PPM1H: variants seen among roughly 807,000 people sequenced by gnomAD.
PPM1H encodes the protein protein phosphatase, Mg2+/Mn2+ dependent 1H.
In PPM1H, 27 loss-of-function variants were observed where a neutral mutation model predicts 54.9. The observed-to-expected ratio is 0.49, with a 90% CI of 0.36 to 0.68. The LOEUF is 0.68. Ranked by LOEUF, PPM1H falls within the 30% of genes least tolerant of loss-of-function variation. The pLI is 0.00. For synonymous variants in PPM1H, 305 were observed against 270.8 expected, an observed-to-expected ratio of 1.13 and a Z score of -1.24; for missense variants, 596 against 667.8, an observed-to-expected ratio of 0.89 and a Z score of 1.19.
intron 4 of PPM1H, among the ~76,000 whole-genome samples, chr12:62,748,522 A>G (rs963675530): frequency 7.6e-6 from 1 of 130,880 alleles, no homozygotes; most frequent in Non-Finnish European, 1.6e-5. Context: ...AATGTGTTTC[A>G]GTGTAGAACA....
At chr12:62,670,532 C>G (rs2075951386) in intron 8 of PPM1H, among the ~76,000 whole-genome samples, 1 of 152,150 alleles carries the variant, frequency 6.6e-6, no homozygotes, top group African/African-American at 2.4e-5. Flanking sequence ...GTGCTTCCTG[C>G]TGACCCAAGA....
intron 1 of PPM1H, among the ~76,000 whole-genome samples, chr12:62,907,109 TA>T (rs1871324122): frequency 6.6e-6 from 1 of 152,210 alleles, no homozygotes; most frequent in Non-Finnish European, 1.5e-5. Flanking sequence ...CTGGCAAATT[TA>T]ATGTTTTTCT....
chr12:62,680,205 C>T (rs2076011342), intron 8 of PPM1H, among the ~76,000 whole-genome samples: 1 of 151,944 alleles, frequency 6.6e-6, no homozygotes, highest in Non-Finnish European at 1.5e-5. Flanking sequence ...TTCATTTCTC[C>T]TTTTCTCTCT....
chr12:62,731,685 C>T (rs1213847938), intron 5 of PPM1H, among the ~76,000 whole-genome samples: 2 of 152,162 alleles, frequency 1.3e-5, no homozygotes, highest in African/African-American at 4.8e-5. Flanking sequence ...CTATACATTG[C>T]CCTTGATGAA....
intron 4 of PPM1H, among the ~76,000 whole-genome samples, chr12:62,770,918 C>T (rs1461118803): frequency 6.6e-6 from 1 of 152,064 alleles, no homozygotes; most frequent in East Asian, 1.9e-4. Context: ...TGGGAAAGCA[C>T]AGTCCAGCAC....
intron 1 of PPM1H, among the ~76,000 whole-genome samples, chr12:62,914,409 C>T (rs1055301772): frequency 6.6e-6 from 1 of 152,152 alleles, no homozygotes; most frequent in East Asian, 1.9e-4. Context: ...TACAGCAACA[C>T]AAACTAAGAC....
intron 6 of PPM1H, among the ~76,000 whole-genome samples, chr12:62,703,417 C>T (rs1379516442): frequency 2.6e-5 from 4 of 150,974 alleles, no homozygotes; most frequent in Non-Finnish European, 5.9e-5. Flanking sequence ...GCTCAGTGCC[C>T]CTCCAGGAGG....
chr12:62,897,584 T>C (rs699573), intron 1 of PPM1H, among the ~76,000 whole-genome samples: 69,268 of 151,862 alleles, frequency 0.46, 17,878 homozygotes, highest in African/African-American at 0.68. Context: ...CACTTCAGCC[T>C]CTGATGAAGC....
chr12:62,874,030 G>A (rs1870078761), intron 1 of PPM1H, among the ~76,000 whole-genome samples: 1 of 152,162 alleles, frequency 6.6e-6, no homozygotes, highest in Non-Finnish European at 1.5e-5. Context: ...TTGGCAGAGG[G>A]ACAGTGTGCT....
At chr12:62,838,646 GCGC>G (rs1338348524) in intron 1 of PPM1H, among the ~76,000 whole-genome samples, 2 of 144,492 alleles carry the variant, frequency 1.4e-5, no homozygotes, top group African/African-American at 5.4e-5. Context: ...CTCTGGCCGG[GCGC>G]GGTGGCTCAC....
chr12:62,681,754 C>T (rs527914014), intron 8 of PPM1H, among the ~76,000 whole-genome samples: 1 of 152,282 alleles, frequency 6.6e-6, no homozygotes, highest in East Asian at 1.9e-4. Flanking sequence ...ATCTAACTAG[C>T]CACAAATTTG....
intron 7 of PPM1H, among the ~76,000 whole-genome samples, chr12:62,693,572 G>T (rs12823159): frequency 0.063 from 9,592 of 152,274 alleles, 370 homozygotes; most frequent in South Asian, 0.15. Context: ...TCTGCCAGAT[G>T]GATATAACAC....
intron 4 of PPM1H, among the ~76,000 whole-genome samples, chr12:62,749,069 C>T (rs2076427367): frequency 6.6e-6 from 1 of 152,198 alleles, no homozygotes; most frequent in East Asian, 1.9e-4. Context: ...AAACCAAACA[C>T]AGAAGCACCA....
chr12:62,920,986 G>A (rs1047895123), intron 1 of PPM1H, among the ~76,000 whole-genome samples: 8 of 152,046 alleles, frequency 5.3e-5, no homozygotes, highest in Non-Finnish European at 1.2e-4. Flanking sequence ...GTGGAGTAGA[G>A]TGATCCTGAT....
At chr12:62,899,416 A>G (rs1871090952) in intron 1 of PPM1H, among the ~76,000 whole-genome samples, 1 of 151,972 alleles carries the variant, frequency 6.6e-6, no homozygotes, top group East Asian at 1.9e-4. Flanking sequence ...TAAAAACACT[A>G]AAAAAAATTA....
intron 1 of PPM1H, among the ~76,000 whole-genome samples, chr12:62,867,577 T>A (rs907701854): frequency 1.0e-4 from 11 of 109,120 alleles, no homozygotes; most frequent in Middle Eastern, 3.4e-3. Flanking sequence ...TTTTTTTTTT[T>A]TTTTTTTTTT....
In PPM1H at chr12:62,667,245, A is replaced by T; in HGVS notation, c.1330T>A (p.Ser444Thr). Reference sequence around the variant, plus strand: ...ATTGCTTCTGCTACTTCTTCATTTGATAAAACGTCCCAGAGTCCATCAGTG... The same window carrying T: ...ATTGCTTCTGCTACTTCTTCATTTGTTAAAACGTCCCAGAGTCCATCAGTG... ...LATDGLWDVL[S>T]NEEVAEAITQ... Residue 444 changes from serine to threonine, a missense_variant, in exon 9 of 10, where the codon TCA becomes ACA. Physicochemically the swap from Ser to Thr is moderately conservative, Grantham distance 58. Transcript: ENST00000228705. The T allele has an allele frequency of 2.5e-6, 4 of 1,600,478 alleles. No individual in the cohort carries two copies. Among genetic ancestry groups the T allele is most frequent in the African/African-American group, 2.7e-5 (2 of 74,718 alleles).
chr12:62,667,247 A>G lies in PPM1H; in HGVS notation c.1328T>C (p.Leu443Ser), dbSNP rs759402611. Residue 443 changes from leucine to serine, a missense_variant, in exon 9 of 10, where the codon TTA becomes TCA. Leu to Ser is a moderately radical substitution (Grantham distance 145). Around this residue, in one of 3 missense-constraint regions of PPM1H, gnomAD observed 208 missense variants for 259.5 expected, o/e 0.80. Transcript: ENST00000228705. Reference protein sequence around the residue: ...ILATDGLWDVLSNEEVAEAIT... With the variant: ...ILATDGLWDVSSNEEVAEAIT... Reference sequence around the variant, plus strand: ...TGCTTCTGCTACTTCTTCATTTGATAAAACGTCCCAGAGTCCATCAGTGGC... The same window carrying G: ...TGCTTCTGCTACTTCTTCATTTGATGAAACGTCCCAGAGTCCATCAGTGGC... 4 of 1,600,262 alleles carry G rather than the reference A, an allele frequency of 2.5e-6. No individual in the cohort carries two copies. Among genetic ancestry groups the G allele is most frequent in the Non-Finnish European group, 3.4e-6 (4 of 1,167,604 alleles).
intron 4 of PPM1H, among the ~76,000 whole-genome samples, chr12:62,744,166 T>TAAAAAAAAA (rs549496108): frequency 7.7e-6 from 1 of 129,462 alleles, no homozygotes; most frequent in Non-Finnish European, 1.6e-5. Flanking sequence ...TATACAGTCA[T>TAAAAAAAAA]AAAAAAAAAA....
Sources: allele counts gnomAD v4.1 joint callset (sites outside exome capture counted in the v4.1 genomes callset), GRCh38; gene constraint gnomAD v4.1.1; regional missense constraint gnomAD v4.1.1; transcripts MANE v1.5; gene names NCBI Gene and HGNC (gene_info 2026-07-23, HGNC 2026-07-21).